Variants in MYO9B observed in about 807,000 individuals in gnomAD.
MYO9B encodes the protein unconventional myosin-IXb.
Under a neutral mutation model 229.5 loss-of-function variants are expected in MYO9B, and 71 were observed. The ratio of observed to expected loss-of-function variants is 0.31; its 90% CI spans 0.26 to 0.38. The LOEUF (loss-of-function observed/expected upper bound fraction) is 0.38. MYO9B is among the 10% of genes least tolerant of loss of function. The pLI is 1.00. For missense variants in MYO9B, 2,255 were observed against 2,920.5 expected (o/e 0.77, Z 5.25); for synonymous variants, 1,185 against 1,235.8 (o/e 0.96, Z 0.86).
chr19:17,124,735 G>A (rs1182775245), intron 2 of MYO9B, among the ~76,000 whole-genome samples: 1 of 149,022 alleles, frequency 6.7e-6, no homozygotes, highest in African/African-American at 2.5e-5. Context: ...ACTCCAGCCT[G>A]GGCAACAGAG....
chr19:17,114,570 A>G (rs2057881950), intron 2 of MYO9B, among the ~76,000 whole-genome samples: 1 of 152,196 alleles, frequency 6.6e-6, no homozygotes, highest in African/African-American at 2.4e-5. Context: ...CCCCATGCCA[A>G]AAACCGCAGT....
chr19:17,118,990 G>A (rs765659510), intron 2 of MYO9B, among the ~76,000 whole-genome samples: 11 of 152,102 alleles, frequency 7.2e-5, no homozygotes, highest in Non-Finnish European at 8.8e-5. Flanking sequence ...ACCCGTTCTC[G>A]GCACCTCTCA....
chr19:17,164,513 T>A (rs2072638521), intron 10 of MYO9B, among the ~76,000 whole-genome samples: 1 of 152,022 alleles, frequency 6.6e-6, no homozygotes, highest in Non-Finnish European at 1.5e-5. Flanking sequence ...CCCGAGTAGC[T>A]GGGACTACAG....
Position 17,159,445 on chromosome 19 carries a change from C to T in MYO9B, c.1380C>T (p.Thr460=), listed in dbSNP as rs376878511. 1.7e-5 allele frequency: 27 copies of T among 1,610,776 alleles called. No homozygotes were observed. The East Asian group carries it at 4.2e-4, about 25-fold the overall frequency. The change falls in exon 8 of 40, where the codon ACC becomes ACT. Residue 460 remains threonine, a synonymous_variant. Transcript: ENST00000682292. ...VEVLTKRKTV[T]VNDKLILPYS... ...TTCTGACCAAAAGAAAAACGGTGAC[C>T]GTCAACGACAAGCTTATCCTTCCCT...
At chr19:17,169,716 A>C (rs2072700067) in intron 11 of MYO9B, among the ~76,000 whole-genome samples, 1 of 149,894 alleles carries the variant, frequency 6.7e-6, no homozygotes, top group Non-Finnish European at 1.5e-5. Context: ...TTTTGGCCAC[A>C]TCACTCCAGT....
At chr19:17,121,795 G>A (rs1187398739) in intron 2 of MYO9B, among the ~76,000 whole-genome samples, 1 of 151,998 alleles carries the variant, frequency 6.6e-6, no homozygotes, top group Non-Finnish European at 1.5e-5. Context: ...AGACCAGCCT[G>A]GGAAACATGG....
rs760618374 is a variant in MYO9B, at chr19:17,194,978, A to G, written c.3551A>G (p.Gln1184Arg). The G allele has an allele frequency of 6.2e-7, 1 of 1,613,374 alleles. No individual in the cohort carries two copies. Among genetic ancestry groups the G allele is most frequent in the Non-Finnish European group, 8.5e-7 (1 of 1,179,892 alleles). The part of the protein sequence containing the change: ...ALREPSRRVT[Q>R]EQGVSLLEDK... ...AGAGAACCTTCCAGAAGGGTCACCC[A>G]GGAGCAAGGGGTGAGTCTCCTGGAA... The change falls in exon 22 of 40, where the codon CAG (glutamine) becomes CGG (arginine). Residue 1184 changes from glutamine to arginine, a missense_variant. Physicochemically the swap from Gln to Arg is conservative, Grantham distance 43. This residue lies in a region of MYO9B where 679 missense variants were observed against 770.2 expected (regional missense o/e 0.88). Transcript: ENST00000682292.
At chr19:17,142,849 C>T (rs942560956) in intron 2 of MYO9B, among the ~76,000 whole-genome samples, 1 of 152,060 alleles carries the variant, frequency 6.6e-6, no homozygotes, top group Admixed American at 6.6e-5. Context: ...AGCATCAGAC[C>T]AGATTTGGCC....
intron 2 of MYO9B, among the ~76,000 whole-genome samples, chr19:17,140,857 CTT>C (rs962908900): frequency 2.0e-5 from 3 of 150,492 alleles, no homozygotes; most frequent in Non-Finnish European, 3.0e-5. Flanking sequence ...AATCCCAGCA[CTT>C]TGGGAGGCCG....
chr19:17,166,552 G>A (rs531765495), intron 10 of MYO9B, among the ~76,000 whole-genome samples: 226 of 151,476 alleles, frequency 1.5e-3, no homozygotes, highest in Non-Finnish European at 2.9e-3. Context: ...TTGTTACATA[G>A]GTAAACTTGT....
chr19:17,170,528 T>C (rs1486134797), intron 11 of MYO9B, among the ~76,000 whole-genome samples: 1 of 151,346 alleles, frequency 6.6e-6, no homozygotes, highest in Non-Finnish European at 1.5e-5. Flanking sequence ...TAAGAGCATT[T>C]GTGCCAGGTG....
At chr19:17,083,199 C>T (rs1464070165) in intron 1 of MYO9B, among the ~76,000 whole-genome samples, 1 of 151,904 alleles carries the variant, frequency 6.6e-6, no homozygotes, top group Non-Finnish European at 1.5e-5. Flanking sequence ...CCACGCCAGG[C>T]TAATTTTTGT....
intron 2 of MYO9B, among the ~76,000 whole-genome samples, chr19:17,127,323 T>C (rs1351153358): frequency 1.4e-5 from 2 of 146,710 alleles, no homozygotes; most frequent in African/African-American, 5.0e-5. Flanking sequence ...ACTTTTTTTC[T>C]CCCCTAAGCA....
At chr19:17,206,918 C>T in intron 34 of MYO9B, 134 bp downstream of exon 34, 1 of 1,212,234 alleles carries the variant, frequency 8.2e-7, no homozygotes. Flanking sequence ...GTTGGGGGTT[C>T]TGGGAGGGGG....
At chr19:17,080,130 A>G (rs1430625397) in intron 1 of MYO9B, among the ~76,000 whole-genome samples, 9 of 152,196 alleles carry the variant, frequency 5.9e-5, no homozygotes, top group Non-Finnish European at 1.3e-4. Context: ...GGAGTGATGA[A>G]TAAGATATCC....
intron 2 of MYO9B, among the ~76,000 whole-genome samples, chr19:17,109,967 G>A (rs374301280): frequency 2.0e-5 from 3 of 152,132 alleles, no homozygotes; most frequent in Middle Eastern, 3.2e-3. Flanking sequence ...AGGCCACACC[G>A]CAGAGAGCCA....
chr19:17,161,074 A>C (rs1255525303), intron 8 of MYO9B, among the ~76,000 whole-genome samples: 2 of 151,888 alleles, frequency 1.3e-5, no homozygotes, highest in East Asian at 3.9e-4. Context: ...TACTGGGATG[A>C]CAGGCGTGAG....
In MYO9B at chr19:17,203,203, G is replaced by T; in HGVS notation, c.4935G>T (p.Ser1645=). ...FASYQVSIPQ[S]CEQCLSYIWL... ...GCTACCAGGTTAGCATCCCGCAGTC[G>T]TGCGAGCAGTGCCTCTCCTATATCT... Residue 1645 remains serine (S), a synonymous_variant, in exon 30 of 40, where the codon TCG becomes TCT. Coordinates refer to ENST00000682292, the MANE Select transcript of MYO9B (RefSeq NM_004145.4). 1 of 1,573,540 alleles carries T rather than the reference G, an allele frequency of 6.4e-7. No individual in the cohort carries two copies. The highest frequency in any genetic ancestry group is 1.4e-5 in the African/African-American group (1 of 73,948).
At chr19:17,159,561 TGG>T in intron 8 of MYO9B, 77 bp downstream of exon 8, 1 of 1,268,044 alleles carries the variant, frequency 7.9e-7, no homozygotes. Flanking sequence ...AGAGCCGGCA[TGG>T]GTGGGCTGTT....
Sources: allele counts gnomAD v4.1 joint callset (sites outside exome capture counted in the v4.1 genomes callset), GRCh38; gene constraint gnomAD v4.1.1; regional missense constraint gnomAD v4.1.1; transcripts MANE v1.5; gene names NCBI Gene and HGNC (gene_info 2026-07-23, HGNC 2026-07-21).